Variants in BOD1L1 observed in about 807,000 individuals in gnomAD.
The protein encoded by BOD1L1 is biorientation of chromosomes in cell division protein 1-like 1.
BOD1L1 carries 86 observed loss-of-function variants against 240.7 expected under a neutral mutation model. That is an observed-to-expected ratio of 0.36 (90% confidence interval 0.30 to 0.43). The LOEUF (loss-of-function observed/expected upper bound fraction) is 0.43. Among genes scored for constraint, BOD1L1 ranks in the 20% least tolerant of loss-of-function variants. BOD1L1 has a pLI of 1.00. For missense variants in BOD1L1, 3,554 were observed against 3,643.5 expected, an observed-to-expected ratio of 0.98 and a Z score of 0.63; for synonymous variants, 1,268 against 1,272.3, an observed-to-expected ratio of 1.00 and a Z score of 0.07.
Position 13,569,505 on chromosome 4 carries a change from A to G in BOD1L1, c.*506T>C, listed in dbSNP as rs1577296837. 6.6e-6 allele frequency: 1 copy of G among 151,880 alleles called. No homozygotes were observed. Among genetic ancestry groups the G allele is most frequent in the East Asian group, 1.9e-4 (1 of 5,194 alleles). 9.4% of individuals were successfully genotyped at this position (151,880 alleles called of 1,614,324 possible). A position where few individuals can be genotyped will look rare whatever the true frequency, so the allele number is the denominator to read the frequency against. Reference sequence around the variant, plus strand: ...TTCTACTAATGACTGCATAGCATTTAAAACCCTTTTTATTTAAAAAAAAAA... The same window carrying G: ...TTCTACTAATGACTGCATAGCATTTGAAACCCTTTTTATTTAAAAAAAAAA... On this transcript the variant is annotated 3_prime_UTR_variant, in exon 26 of 26. Coordinates refer to ENST00000040738, the MANE Select transcript of BOD1L1 (RefSeq NM_148894.3).
At position 13,601,157 on chromosome 4, in the gene BOD1L1, C is replaced by A; in HGVS notation, c.5743G>T (p.Val1915Leu). Residue 1915 changes from valine (V) to leucine (L), a missense_variant, in exon 10 of 26, where the codon GTG becomes TTG. Coordinates refer to ENST00000040738, the MANE Select transcript of BOD1L1 (RefSeq NM_148894.3). ...DSQIGTVVEH[V>L]EAEAGAAIMN... is the part of the protein sequence containing the mutation. ...ATGGCAGCTCCAGCCTCAGCTTCCA[C>A]ATGCTCTACCACAGTACCAATCTGA... 1 of 1,614,040 alleles carries A rather than the reference C, an allele frequency of 6.2e-7. No homozygotes were observed.
In BOD1L1 at chr4:13,582,260, C is replaced by G. The variant is rs750241713; in HGVS notation, c.8569G>C (p.Asp2857His). The G allele has an allele frequency of 2.0e-5, 33 of 1,613,392 alleles. No individual in the cohort carries two copies. The highest frequency in any genetic ancestry group is 2.5e-5 in the Non-Finnish European group (30 of 1,179,660). The change falls in exon 19 of 26, where the codon GAT (aspartate) becomes CAT (histidine). Residue 2857 changes from aspartate (D) to histidine (H), a missense_variant. Physicochemically the swap from Asp to His is moderately conservative, Grantham distance 81 (BLOSUM62 -1). Coordinates refer to ENST00000040738, the MANE Select transcript of BOD1L1 (RefSeq NM_148894.3). The part of the protein sequence containing the change: ...TTGEKPEQND[D>H]DTIKSQEEDQ... ...ACCTCCTGAGATTTTATGGTGTCAT[C>G]ATCGTTCTGCTCTGGCTTTTCACCA...
At chr4:13,607,771 A>G (rs1355004302) in intron 8 of BOD1L1, among the ~76,000 whole-genome samples, 1 of 152,220 alleles carries the variant, frequency 6.6e-6, no homozygotes, top group African/African-American at 2.4e-5. Flanking sequence ...TTGCTTAAAG[A>G]TGAATGCTTT....
At chr4:13,582,761 G>C (rs754594873) in intron 17 of BOD1L1, 25 bp from the exon 18 acceptor site, 1 of 1,506,836 alleles carries the variant, frequency 6.6e-7, no homozygotes, top group Non-Finnish European at 9.2e-7. Flanking sequence ...AAAAAGACTA[G>C]AACCTTCTTC....
At position 13,609,027 on chromosome 4, in the gene BOD1L1, C is replaced by T. The variant is rs537560034; in HGVS notation, c.1603+268G>A. 2.6e-5 allele frequency among the ~76,000 whole-genome samples: 4 copies of T among 152,258 alleles called. No individual in the cohort carries two copies. The East Asian group carries it at 7.7e-4, about 29-fold the overall frequency. The stretch of plus-strand genomic sequence containing the variant: ...TGATAACTCATGTGTTAACAATCTA[C>T]TTTCCAGTGATTCAATCATTACAGA... On this transcript the variant is annotated intron_variant, in intron 7 of 25. Coordinates refer to ENST00000040738, the MANE Select transcript of BOD1L1 (RefSeq NM_148894.3).
Position 13,601,675 on chromosome 4 carries a change from C to A in BOD1L1, c.5225G>T (p.Cys1742Phe). ...CCGGGGCCCTGCTCCAGTTACTGAGCAGATCACAAAGTTATCACTTCTGCC... is the reference window on the plus strand; with the variant it reads ...CCGGGGCCCTGCTCCAGTTACTGAGAAGATCACAAAGTTATCACTTCTGCC... ...AEGRSDNFVI[C>F]SVTGAGPREE... The change falls in exon 10 of 26, where the codon TGC becomes TTC. Residue 1742 changes from cysteine to phenylalanine, a missense_variant. Transcript: ENST00000040738. The A allele has an allele frequency of 1.2e-6, 2 of 1,614,026 alleles. No individual in the cohort carries two copies. Among genetic ancestry groups the A allele is most frequent in the African/African-American group, 2.7e-5 (2 of 75,052 alleles).
intron 10 of BOD1L1, among the ~76,000 whole-genome samples, chr4:13,598,133 A>G (rs964173303): frequency 2.0e-5 from 3 of 152,232 alleles, no homozygotes; most frequent in Admixed American, 1.3e-4. Flanking sequence ...GGACTGGTAT[A>G]AAGTATCTGA....
At chr4:13,572,563 T>C in intron 25 of BOD1L1, 1 of 887,710 alleles carries the variant, frequency 1.1e-6, no homozygotes, top group South Asian at 1.7e-5. Context: ...GCCCTTCCTG[T>C]TCTTCTTGGA....
At chr4:13,581,904 C>G (rs75220361) in intron 19 of BOD1L1, among the ~76,000 whole-genome samples, 1 of 152,176 alleles carries the variant, frequency 6.6e-6, no homozygotes, top group Non-Finnish European at 1.5e-5. Context: ...CAGACAGCCT[C>G]CTGTTTGCTG....
chr4:13,588,752 G>A lies in BOD1L1; in HGVS notation c.8250C>T (p.Ser2750=), dbSNP rs185238194. ...TAGGATCTGCTTCAACACTGTGACC[G>A]CTTATGGCTTCTGCGTTGTCTTTTC... is the stretch of plus-strand genomic sequence containing the variant. ...SGRKDNAEAI[S]GHSVEADPKE... is the part of the protein sequence containing the mutation. Residue 2750 remains serine, a synonymous_variant, in exon 15 of 26, where the codon AGC becomes AGT. Coordinates refer to ENST00000040738, the MANE Select transcript of BOD1L1 (RefSeq NM_148894.3). 80 of 1,604,392 alleles carry A rather than the reference G, an allele frequency of 5.0e-5. No homozygotes were observed. Among genetic ancestry groups the A allele is most frequent in the African/African-American group, 6.7e-5 (5 of 74,750 alleles).
At chr4:13,576,798 C>G (rs768128087) in intron 25 of BOD1L1, 40 bp downstream of exon 25, 2 of 1,571,026 alleles carry the variant, frequency 1.3e-6, no homozygotes, top group African/African-American at 2.8e-5. Flanking sequence ...GATGGAGAAG[C>G]TGGTGAAGGT....
chr4:13,609,967 T>C (rs1296224790), intron 6 of BOD1L1, among the ~76,000 whole-genome samples: 2 of 152,288 alleles, frequency 1.3e-5, no homozygotes, highest in East Asian at 3.9e-4. Flanking sequence ...TCTTTCTGGC[T>C]CAGAGTGCCA....
intron 7 of BOD1L1, 43 bp from the exon 8 acceptor site, chr4:13,608,711 TACAA>T (rs761370072): frequency 1.2e-4 from 162 of 1,363,986 alleles, no homozygotes; most frequent in Non-Finnish European, 4.7e-5. Context: ...AGAAAAGTTT[TACAA>T]ACAATGTAAT....
At position 13,599,460 on chromosome 4, in the gene BOD1L1, T is replaced by C. The variant is rs1714911715; in HGVS notation, c.7440A>G (p.Thr2480=). ...AACTTGCTGTGCTACTGCCCCCTGCTGTCCCTGTCTCTGGGCTCTTATCTT... is the reference window on the plus strand; with the variant it reads ...AACTTGCTGTGCTACTGCCCCCTGCCGTCCCTGTCTCTGGGCTCTTATCTT... The part of the protein sequence containing the change: ...QKEDKSPETG[T]AGGSSTASYS... The change falls in exon 10 of 26, where the codon ACA becomes ACG. Residue 2480 remains threonine (T), a synonymous_variant. Transcript: ENST00000040738. The C allele has an allele frequency of 6.2e-7, 1 of 1,614,050 alleles. No homozygotes were observed. The highest frequency in any genetic ancestry group is 8.5e-7 in the Non-Finnish European group (1 of 1,179,878).
At position 13,568,740 on chromosome 4, in the gene BOD1L1, T is replaced by C. The variant is rs897136660; in HGVS notation, c.*1271A>G. The C allele has an allele frequency of 1.3e-5, 2 of 152,476 alleles. No homozygotes were observed. The highest frequency in any genetic ancestry group is 2.9e-5 in the Non-Finnish European group (2 of 68,004). 9.4% of individuals were successfully genotyped at this position (152,476 alleles called of 1,614,324 possible). ...AAATAAAATTCTTACCACTCAAATT[T>C]TGGTAAACATTTTATAATTTATATA... On this transcript the variant is annotated 3_prime_UTR_variant, in exon 26 of 26. Transcript: ENST00000040738.
In BOD1L1 at chr4:13,604,986, C is replaced by G. The variant is rs368701615; in HGVS notation, c.1914G>C (p.Leu638Phe). 1.9e-6 allele frequency: 3 copies of G among 1,613,410 alleles called. No homozygotes were observed. Among genetic ancestry groups the G allele is most frequent in the South Asian group, 1.1e-5 (1 of 90,988 alleles). Residue 638 changes from leucine to phenylalanine, a missense_variant, in exon 10 of 26, where the codon TTG becomes TTC. Physicochemically the swap from Leu to Phe is conservative, Grantham distance 22. Transcript: ENST00000040738. ...SKPARRLSESLHVVDENKNES... is the reference protein window; with the variant it reads ...SKPARRLSESFHVVDENKNES... Reference sequence around the variant, plus strand: ...CATTTTTGTTTTCGTCAACTACATGCAAAGACTCTGAAAGTCTCCGGGCAG... The same window carrying G: ...CATTTTTGTTTTCGTCAACTACATGGAAAGACTCTGAAAGTCTCCGGGCAG...
At chr4:13,610,302 C>A (rs1055297518) in intron 6 of BOD1L1, among the ~76,000 whole-genome samples, 2 of 152,138 alleles carry the variant, frequency 1.3e-5, no homozygotes, top group African/African-American at 4.8e-5. Flanking sequence ...ATTTCCATAT[C>A]AATAGTATGT....
In BOD1L1 at chr4:13,603,388, G is replaced by C. The variant is rs1369732941; in HGVS notation, c.3512C>G (p.Thr1171Arg). Residue 1171 changes from threonine (T) to arginine (R), a missense_variant, in exon 10 of 26, where the codon ACA becomes AGA. Transcript: ENST00000040738. ...TVQKDELRTCTADSKATAPAY... is the reference protein window; with the variant it reads ...TVQKDELRTCRADSKATAPAY... ...TGGAGCTGTTGCTTTTGAATCTGCT[G>C]TGCAAGTTCTCAATTCATCCTTTTG... 6.2e-7 allele frequency: 1 copy of C among 1,613,846 alleles called. No individual in the cohort carries two copies. The highest frequency in any genetic ancestry group is 1.7e-5 in the Admixed American group (1 of 60,006).
At chr4:13,612,620 A>G (rs1323207150) in intron 5 of BOD1L1, among the ~76,000 whole-genome samples, 1 of 152,194 alleles carries the variant, frequency 6.6e-6, no homozygotes, top group Non-Finnish European at 1.5e-5. Flanking sequence ...ACTGTATTAT[A>G]AAGAATTCAG....
Sources: allele counts gnomAD v4.1 joint callset (sites outside exome capture counted in the v4.1 genomes callset), GRCh38; gene constraint gnomAD v4.1.1; transcripts MANE v1.5; gene names NCBI Gene and HGNC (gene_info 2026-07-23, HGNC 2026-07-21).